The following CFAP221 variants were observed in gnomAD, a reference collection of about 807,000 sequenced individuals.
The protein encoded by CFAP221 is cilia- and flagella-associated protein 221.
In CFAP221, 97 loss-of-function variants were observed where a neutral mutation model predicts 113.1. That is an observed-to-expected ratio of 0.86 (90% CI 0.73 to 1.02). The LOEUF (loss-of-function observed/expected upper bound fraction) is 1.02, where lower values mean the gene tolerates loss of function less well. Ranked by LOEUF, CFAP221 falls within the 50% of genes least tolerant of loss-of-function variation. CFAP221 has a pLI of 0.00. For missense variants in CFAP221, 1,025 were observed against 1,013.4 expected (o/e 1.01, Z -0.16); for synonymous variants, 331 against 354.4 (o/e 0.93, Z 0.74).
At chr2:119,548,199 A>G (rs1023668221) in intron 2 of CFAP221, among the ~76,000 whole-genome samples, 1 of 152,132 alleles carries the variant, frequency 6.6e-6, no homozygotes, top group African/African-American at 2.4e-5. Flanking sequence ...CCTGGGCTCA[A>G]GCGATCCTCC....
At chr2:119,639,744 C>T (rs991573820) in intron 20 of CFAP221, 37 bp from the exon 21 acceptor site, 22 of 1,544,876 alleles carry the variant, frequency 1.4e-5, no homozygotes, top group Non-Finnish European at 1.8e-5. Context: ...TTTACCTCAC[C>T]AAACAGTTGC....
At chr2:119,591,614 C>T (rs1156565954) in intron 7 of CFAP221, among the ~76,000 whole-genome samples, 1 of 152,240 alleles carries the variant, frequency 6.6e-6, no homozygotes, top group Non-Finnish European at 1.5e-5. Context: ...GCTGCTTGAG[C>T]TCAGTTGACC....
chr2:119,601,416 C>A, intron 8 of CFAP221, 39 bp downstream of exon 8: 1 of 1,448,972 alleles, frequency 6.9e-7, no homozygotes, highest in South Asian at 1.4e-5. Flanking sequence ...ATTTTTAACC[C>A]TTTTTTGAAA....
intron 6 of CFAP221, among the ~76,000 whole-genome samples, chr2:119,575,807 T>A (rs17049424): frequency 0.011 from 1,718 of 152,290 alleles, 38 homozygotes; most frequent in African/African-American, 0.04. Context: ...ATGAATAGGG[T>A]ACATATGATC....
At chr2:119,605,875 T>C (rs944619972) in intron 11 of CFAP221, among the ~76,000 whole-genome samples, 3 of 151,680 alleles carry the variant, frequency 2.0e-5, no homozygotes, top group African/African-American at 7.3e-5. Flanking sequence ...CCAGCTGGAG[T>C]GGTCACATAA....
intron 22 of CFAP221, among the ~76,000 whole-genome samples, chr2:119,651,603 GGA>G (rs1688134179): frequency 1.3e-5 from 2 of 151,864 alleles, no homozygotes; most frequent in Admixed American, 6.5e-5. Flanking sequence ...ATTCCATTGT[GGA>G]GAGAGAACAT....
chr2:119,553,430 C>G (rs1203755222), intron 3 of CFAP221, among the ~76,000 whole-genome samples: 1 of 152,140 alleles, frequency 6.6e-6, no homozygotes, highest in Non-Finnish European at 1.5e-5. Flanking sequence ...ATTCAGAAAG[C>G]AGCAGGAAGT....
At chr2:119,567,601 T>C (rs777575713) in intron 6 of CFAP221, among the ~76,000 whole-genome samples, 19 of 152,322 alleles carry the variant, frequency 1.2e-4, no homozygotes, top group South Asian at 4.1e-4. Context: ...GGTTTTTGTG[T>C]GGATGTAAGT....
intron 6 of CFAP221, among the ~76,000 whole-genome samples, chr2:119,581,395 A>G (rs951088182): frequency 1.3e-5 from 2 of 152,242 alleles, no homozygotes; most frequent in Non-Finnish European, 2.9e-5. Context: ...AACCATTTAG[A>G]AATCTTAAAA....
intron 20 of CFAP221, among the ~76,000 whole-genome samples, chr2:119,639,255 T>C (rs957818306): frequency 3.3e-5 from 5 of 152,194 alleles, no homozygotes; most frequent in African/African-American, 9.6e-5. Flanking sequence ...CGCTGCCTGC[T>C]GTAGCAGCTC....
Position 119,643,544 on chromosome 2 carries a change from A to C in CFAP221, c.2226-3414A>C, listed in dbSNP as rs150658424. ...TTTTACTTTGTCAAGTAAGGACATT[A>C]AATATATATATGATTTTTTAGATGG... On this transcript the variant is annotated intron_variant, in intron 21 of 23. Coordinates refer to ENST00000413369, the MANE Select transcript of CFAP221 (RefSeq NM_001271049.2). Among the ~76,000 whole-genome samples the C allele has an allele frequency of 5.3e-5, 8 of 152,258 alleles. No individual in the cohort carries two copies. In the East Asian group the frequency reaches 1.6e-3, roughly 30 times the overall value.
intron 21 of CFAP221, among the ~76,000 whole-genome samples, chr2:119,643,875 A>G (rs766622086): frequency 6.6e-6 from 1 of 152,178 alleles, no homozygotes; most frequent in Non-Finnish European, 1.5e-5. Flanking sequence ...AGCAACAGCC[A>G]GAAACATTGG....
At chr2:119,619,586 C>T (rs1458803836) in intron 14 of CFAP221, among the ~76,000 whole-genome samples, 1 of 152,182 alleles carries the variant, frequency 6.6e-6, no homozygotes, top group African/African-American at 2.4e-5. Flanking sequence ...ATCCGAAGGT[C>T]ACCAACATCC....
chr2:119,576,824 C>G (rs1207364036), intron 6 of CFAP221, among the ~76,000 whole-genome samples: 2 of 152,102 alleles, frequency 1.3e-5, no homozygotes, highest in Non-Finnish European at 2.9e-5. Flanking sequence ...AATTGTTGCC[C>G]GTTTCTTTGG....
intron 3 of CFAP221, among the ~76,000 whole-genome samples, chr2:119,556,666 C>T (rs1680828039): frequency 6.6e-6 from 1 of 151,806 alleles, no homozygotes; most frequent in Admixed American, 6.6e-5. Context: ...GATTCTCCTG[C>T]CTCAGCCTCC....
chr2:119,645,679 G>A (rs1408701217), intron 21 of CFAP221, among the ~76,000 whole-genome samples: 2 of 151,906 alleles, frequency 1.3e-5, no homozygotes, highest in African/African-American at 4.8e-5. Context: ...AAAGACATAT[G>A]TGCACACACA....
chr2:119,619,136 G>T (rs1685718760), intron 14 of CFAP221, among the ~76,000 whole-genome samples: 1 of 152,202 alleles, frequency 6.6e-6, no homozygotes, highest in African/African-American at 2.4e-5. Flanking sequence ...GAGCACCTGG[G>T]GAAAGGGGCA....
chr2:119,587,833 G>T (rs767739021), intron 7 of CFAP221, among the ~76,000 whole-genome samples: 14 of 152,034 alleles, frequency 9.2e-5, no homozygotes, highest in Non-Finnish European at 1.9e-4. Context: ...TTTAAGTCCG[G>T]GTATTCATTT....
intron 3 of CFAP221, among the ~76,000 whole-genome samples, chr2:119,549,913 C>A (rs1680303205): frequency 6.6e-6 from 1 of 152,256 alleles, no homozygotes; most frequent in Non-Finnish European, 1.5e-5. Flanking sequence ...GGGTCCCCTT[C>A]ATTGACCTGG....
Sources: gnomAD v4.1 joint callset for allele counts (sites outside exome capture counted in the v4.1 genomes callset) on GRCh38, gnomAD v4.1.1 for gene constraint, MANE v1.5 for transcripts, NCBI Gene and HGNC (gene_info 2026-07-23, HGNC 2026-07-21) for gene names.